Variants in ASIC2 observed in about 807,000 individuals in gnomAD.
The protein encoded by ASIC2 is acid sensing ion channel subunit 2, also known as acid-sensing ion channel 2.
ASIC2 carries 25 observed loss-of-function variants against 57.3 expected under a neutral mutation model. The ratio of observed to expected loss-of-function variants is 0.44; its 90% CI spans 0.32 to 0.61. The LOEUF is 0.61. Among genes scored for constraint, ASIC2 ranks in the 20% least tolerant of loss-of-function variants. The pLI, the probability that ASIC2 is intolerant of heterozygous loss-of-function variation, is 0.06. For missense variants in ASIC2, 641 were observed against 738.1 expected, an observed-to-expected ratio of 0.87 and a Z score of 1.52; for synonymous variants, 319 against 307.5, an observed-to-expected ratio of 1.04 and a Z score of -0.39.
chr17:33,036,770 T>C (rs905260933), intron 3 of ASIC2, among the ~76,000 whole-genome samples: 2 of 152,150 alleles, frequency 1.3e-5, no homozygotes, highest in Non-Finnish European at 2.9e-5. Flanking sequence ...CTCTACTTTG[T>C]CATGTTCCTC....
At chr17:34,015,804 A>C (rs1906929303) in intron 1 of ASIC2, among the ~76,000 whole-genome samples, 1 of 152,244 alleles carries the variant, frequency 6.6e-6, no homozygotes. Flanking sequence ...AACAAAATAA[A>C]AAACAAACAA....
intron 1 of ASIC2, chr17:34,037,277 A>C (rs1907926471): frequency 5.0e-6 from 1 of 199,530 alleles, no homozygotes; most frequent in East Asian, 1.3e-4. Flanking sequence ...TCTTCATCTG[A>C]ATCAGGGACC....
At chr17:33,791,928 C>T (rs1394198909) in intron 1 of ASIC2, 1 of 152,072 alleles carries the variant, frequency 6.6e-6, no homozygotes, top group Non-Finnish European at 1.5e-5. Context: ...CCACCTTAGC[C>T]TCCCGAGTAG....
chr17:33,964,410 C>T (rs1307552418), intron 1 of ASIC2, among the ~76,000 whole-genome samples: 1 of 152,208 alleles, frequency 6.6e-6, no homozygotes, highest in Non-Finnish European at 1.5e-5. Flanking sequence ...GGCAAGAACA[C>T]TCAGTAGTCT....
At chr17:34,047,823 C>T (rs1418978977) in intron 1 of ASIC2, among the ~76,000 whole-genome samples, 2 of 152,184 alleles carry the variant, frequency 1.3e-5, no homozygotes, top group Non-Finnish European at 2.9e-5. Flanking sequence ...ATTCTAGGAA[C>T]TGAAGATAAA....
At chr17:34,060,089 C>T (rs1227342367) in intron 1 of ASIC2, among the ~76,000 whole-genome samples, 1 of 152,178 alleles carries the variant, frequency 6.6e-6, no homozygotes, top group Admixed American at 6.5e-5. Context: ...TCACAGAGTC[C>T]ATTGCACCAT....
chr17:34,010,056 G>T (rs1906658879), intron 1 of ASIC2, among the ~76,000 whole-genome samples: 1 of 152,156 alleles, frequency 6.6e-6, no homozygotes, highest in Admixed American at 6.5e-5. Flanking sequence ...GTGCACAGAG[G>T]GTTGTCACAC....
chr17:33,823,507 T>G (rs1321728667), intron 1 of ASIC2, among the ~76,000 whole-genome samples: 1 of 152,284 alleles, frequency 6.6e-6, no homozygotes, highest in Middle Eastern at 3.4e-3. Context: ...AGGCCATTAG[T>G]GGGTTTCAGC....
chr17:34,121,565 C>T (rs1038272198), intron 1 of ASIC2, among the ~76,000 whole-genome samples: 2 of 152,194 alleles, frequency 1.3e-5, no homozygotes, highest in Admixed American at 6.5e-5. Context: ...CTACAACCCA[C>T]GCTGATGCTG....
In ASIC2 at chr17:33,443,406, ATTTTTTTTTT is replaced by A. The variant is rs779597047; in HGVS notation, c.556-331349_556-331340del. On this transcript the variant is annotated intron_variant, in intron 1 of 9. Transcript: ENST00000359872. The stretch of plus-strand genomic sequence containing the variant: ...TTTTTTATGTATGGTGGAGGGTAAG[ATTTTTTTTTT>A]TTTTTTTTTTTTTTTGAGACGGAGT... 4.0e-5 allele frequency among the ~76,000 whole-genome samples: 3 copies of A among 75,232 alleles called. No homozygotes were observed. In the East Asian group the frequency reaches 1.1e-3, roughly 28 times the overall value. 49.4% of individuals were successfully genotyped at this position (75,232 alleles called of 152,430 possible). A position where few individuals can be genotyped will look rare whatever the true frequency, so the allele number is the denominator to read the frequency against.
chr17:34,016,628 G>A (rs1241953325), intron 1 of ASIC2, among the ~76,000 whole-genome samples: 1 of 152,102 alleles, frequency 6.6e-6, no homozygotes, highest in Non-Finnish European at 1.5e-5. Context: ...ATAGATATTG[G>A]CATAGCTATA....
chr17:33,354,542 C>T (rs997758443), intron 1 of ASIC2, among the ~76,000 whole-genome samples: 5 of 152,108 alleles, frequency 3.3e-5, no homozygotes, highest in Non-Finnish European at 7.4e-5. Context: ...CCCTGCAGCC[C>T]TACCCCCATG....
chr17:34,076,624 CTCATTGT>C (rs1567811121), intron 1 of ASIC2, among the ~76,000 whole-genome samples: 1 of 152,166 alleles, frequency 6.6e-6, no homozygotes, highest in Admixed American at 6.5e-5. Flanking sequence ...TTTGAGGGCT[CTCATTGT>C]TCATAATTTG....
intron 1 of ASIC2, among the ~76,000 whole-genome samples, chr17:33,717,101 T>A (rs1168608681): frequency 6.6e-6 from 1 of 152,232 alleles, no homozygotes; most frequent in Non-Finnish European, 1.5e-5. Context: ...GACGCACTAC[T>A]AATGATGATT....
In ASIC2 at chr17:34,075,961, T is replaced by A. The variant is rs150892378; in HGVS notation, c.555+80017A>T. Among the ~76,000 whole-genome samples, 403 of 151,268 alleles carry A rather than the reference T, an allele frequency of 2.7e-3. 1 individual carries two copies. The highest frequency in any genetic ancestry group is 9.4e-3 in the African/African-American group (389 of 41,326). ...GTCTTGCCTCAGCCTCCCAAGTAGC[T>A]GGGATTACAGGTGTGTGCAACCACA... is the stretch of plus-strand genomic sequence containing the variant. On this transcript the variant is annotated intron_variant, in intron 1 of 9. Transcript: ENST00000359872.
chr17:33,381,622 C>A (rs1366157403), intron 1 of ASIC2, among the ~76,000 whole-genome samples: 1 of 152,142 alleles, frequency 6.6e-6, no homozygotes, highest in African/African-American at 2.4e-5. Flanking sequence ...ATGATAACAC[C>A]CACTTGGGAA....
chr17:33,890,141 G>A (rs527898663), intron 1 of ASIC2, among the ~76,000 whole-genome samples: 1 of 152,216 alleles, frequency 6.6e-6, no homozygotes, highest in South Asian at 2.1e-4. Flanking sequence ...AGTTATGTTA[G>A]CTAATTTCAG....
At chr17:33,750,635 T>C (rs1910402591) in intron 1 of ASIC2, among the ~76,000 whole-genome samples, 2 of 152,094 alleles carry the variant, frequency 1.3e-5, no homozygotes, top group African/African-American at 4.8e-5. Flanking sequence ...CTATGTGGAG[T>C]GCACCCGGAT....
chr17:33,991,824 T>A (rs1340181094), intron 1 of ASIC2, among the ~76,000 whole-genome samples: 1 of 152,240 alleles, frequency 6.6e-6, no homozygotes, highest in Non-Finnish European at 1.5e-5. Flanking sequence ...CCTGAGAGGA[T>A]CATCACTGAG....
Sources: allele counts gnomAD v4.1 joint callset (sites outside exome capture counted in the v4.1 genomes callset), GRCh38; gene constraint gnomAD v4.1.1; transcripts MANE v1.5; gene names NCBI Gene and HGNC (gene_info 2026-07-23, HGNC 2026-07-21).